KAT2B: variants seen among roughly 807,000 people sequenced by gnomAD.
KAT2B encodes the protein histone acetyltransferase KAT2B.
Under a neutral mutation model 105.9 loss-of-function variants are expected in KAT2B, and 36 were observed. The observed-to-expected ratio is 0.34, with a 90% CI of 0.26 to 0.45. The LOEUF is 0.45. Ranked by LOEUF, KAT2B falls within the 20% of genes least tolerant of loss-of-function variation. KAT2B has a pLI of 1.00. For missense variants in KAT2B, 820 were observed against 1,021.6 expected (o/e 0.80, Z 2.69); for synonymous variants, 397 against 377.9 (o/e 1.05, Z -0.59).
chr3:20,071,018 A>AC (rs11406998), intron 1 of KAT2B, among the ~76,000 whole-genome samples: 53,016 of 150,582 alleles, frequency 0.35, 9,926 homozygotes, highest in South Asian at 0.46. Flanking sequence ...ATAAAAAAAA[A>AC]AAAACCAAAA....
At chr3:20,068,357 T>G (rs1698261181) in intron 1 of KAT2B, among the ~76,000 whole-genome samples, 1 of 150,986 alleles carries the variant, frequency 6.6e-6, no homozygotes, top group South Asian at 2.1e-4. Flanking sequence ...GGCCTTTACT[T>G]TCTGTTGAGC....
At chr3:20,063,251 A>G (rs1245649265) in intron 1 of KAT2B, among the ~76,000 whole-genome samples, 1 of 151,840 alleles carries the variant, frequency 6.6e-6, no homozygotes, top group Non-Finnish European at 1.5e-5. Context: ...AAATTTTTGT[A>G]GAGATGGAGT....
chr3:20,106,987 A>G (rs1203278223), intron 5 of KAT2B, among the ~76,000 whole-genome samples: 172 of 11,622 alleles, frequency 0.015, 2 homozygotes, highest in Non-Finnish European at 0.021. Flanking sequence ...ATGTATATAT[A>G]TATATATATA....
intron 2 of KAT2B, among the ~76,000 whole-genome samples, chr3:20,084,541 C>T (rs934735730): frequency 1.3e-5 from 2 of 152,084 alleles, no homozygotes; most frequent in Non-Finnish European, 2.9e-5. Context: ...TCATACAGAG[C>T]TCTGAGGAGA....
rs1252966640 is a variant in KAT2B at position 20,152,380 on chromosome 3, A to G, written c.2354A>G (p.Lys785Arg). 11 of 1,613,482 alleles carry G rather than the reference A, an allele frequency of 6.8e-6. No homozygotes were observed. Among genetic ancestry groups the G allele is most frequent in the Non-Finnish European group, 8.5e-6 (10 of 1,179,658 alleles). The stretch of plus-strand genomic sequence containing the variant: ...CTCAAGAATAGGTACTACGTGTCTA[A>G]GAAATTATTCATGGCAGACTTACAG... Reference protein sequence around the residue: ...ERLKNRYYVSKKLFMADLQRV... With the variant: ...ERLKNRYYVSRKLFMADLQRV... Residue 785 changes from lysine (K) to arginine (R), a missense_variant, in exon 18 of 18, where the codon AAG becomes AGG. Around this residue, in one of 6 missense-constraint regions of KAT2B, gnomAD observed 227 missense variants for 292.9 expected, o/e 0.77. Transcript: ENST00000263754.
intron 11 of KAT2B, among the ~76,000 whole-genome samples, chr3:20,133,268 T>C (rs936198741): frequency 3.8e-4 from 58 of 152,234 alleles, no homozygotes; most frequent in Admixed American, 1.3e-4. Context: ...GAATTCATAT[T>C]GTATGCATTG....
rs886334902 is a variant in KAT2B at position 20,068,245 on chromosome 3, C to G, written c.304-4088C>G. On this transcript the variant is annotated intron_variant, in intron 1 of 17. Transcript: ENST00000263754. ...TCCTGACCTCAGGTGATCCGCCTGC[C>G]TCGGCCTCCCAAAGTGCTGCAATTA... Among the ~76,000 whole-genome samples the G allele has an allele frequency of 4.0e-5, 6 of 151,054 alleles. No homozygotes were observed. The East Asian group carries it at 1.0e-3, about 25-fold the overall frequency.
chr3:20,134,714 C>T (rs915034231), intron 11 of KAT2B, among the ~76,000 whole-genome samples: 4 of 152,142 alleles, frequency 2.6e-5, no homozygotes, highest in South Asian at 2.1e-4. Flanking sequence ...TAGGCCACCG[C>T]GCCCAGCCCA....
chr3:20,094,208 A>G (rs553531437), intron 2 of KAT2B, among the ~76,000 whole-genome samples: 3 of 152,238 alleles, frequency 2.0e-5, no homozygotes, highest in East Asian at 3.9e-4. Flanking sequence ...TCTTACAATC[A>G]TGGTGGAAGG....
At chr3:20,122,608 GTAT>G (rs1428374617) in intron 8 of KAT2B, 57 bp from the exon 9 acceptor site, 14 of 1,351,228 alleles carry the variant, frequency 1.0e-5, no homozygotes, top group Middle Eastern at 1.8e-4. Flanking sequence ...TAGTTGGCGT[GTAT>G]TATTTGTTTT....
At chr3:20,110,179 GGGA>G (rs1699095316) in intron 5 of KAT2B, among the ~76,000 whole-genome samples, 1 of 152,180 alleles carries the variant, frequency 6.6e-6, no homozygotes, top group Admixed American at 6.5e-5. Flanking sequence ...AAAGCACATA[GGGA>G]GGAGAGGTTT....
At chr3:20,103,950 G>T (rs1698954294) in intron 5 of KAT2B, among the ~76,000 whole-genome samples, 2 of 152,060 alleles carry the variant, frequency 1.3e-5, no homozygotes, top group Non-Finnish European at 2.9e-5. Flanking sequence ...GTATTCCATG[G>T]GTGGTTTGTA....
chr3:20,121,726 ATGCATATGTGTGTGTGTG>A (rs1438102822), intron 8 of KAT2B, among the ~76,000 whole-genome samples: 1 of 121,092 alleles, frequency 8.3e-6, no homozygotes, highest in African/African-American at 3.2e-5. Context: ...ACATACACAT[ATGCATATGTGTGTGTGTG>A]TGTGTGTGTG....
At chr3:20,116,718 G>A (rs1482555877) in intron 7 of KAT2B, among the ~76,000 whole-genome samples, 2 of 152,014 alleles carry the variant, frequency 1.3e-5, no homozygotes, top group African/African-American at 2.4e-5. Context: ...CATTTATTAA[G>A]TGCTCAGCTA....
At chr3:20,077,905 T>TG (rs1455366373) in intron 2 of KAT2B, among the ~76,000 whole-genome samples, 6 of 152,324 alleles carry the variant, frequency 3.9e-5, no homozygotes, top group African/African-American at 1.4e-4. Flanking sequence ...TCTTGCATGG[T>TG]GGCTCACACC....
At chr3:20,125,270 A>C (rs1357870094) in intron 9 of KAT2B, among the ~76,000 whole-genome samples, 1 of 144,480 alleles carries the variant, frequency 6.9e-6, no homozygotes, top group East Asian at 2.2e-4. Flanking sequence ...GCGCCACTGC[A>C]GTCTGGCCTG....
intron 17 of KAT2B, 62 bp from the exon 18 acceptor site, chr3:20,152,268 CCA>C (rs1699880993): frequency 1.8e-6 from 2 of 1,121,574 alleles, no homozygotes; most frequent in Non-Finnish European, 2.6e-6. Flanking sequence ...TTTCCCAGTC[CCA>C]GTTTTGTCAG....
intron 5 of KAT2B, among the ~76,000 whole-genome samples, chr3:20,110,838 T>C (rs1304003737): frequency 6.6e-6 from 1 of 152,148 alleles, no homozygotes; most frequent in Non-Finnish European, 1.5e-5. Context: ...AGTCCTGGCT[T>C]CCCTCTGGTC....
At chr3:20,111,845 C>T in intron 6 of KAT2B, 58 bp downstream of exon 6, 1 of 1,348,270 alleles carries the variant, frequency 7.4e-7, no homozygotes, top group East Asian at 2.3e-5. Context: ...TTGCTAAATA[C>T]AATGCCAAAG....
Sources: allele counts gnomAD v4.1 joint callset (sites outside exome capture counted in the v4.1 genomes callset), GRCh38; gene constraint gnomAD v4.1.1; regional missense constraint gnomAD v4.1.1; transcripts MANE v1.5; gene names NCBI Gene and HGNC (gene_info 2026-07-23, HGNC 2026-07-21).